Variants in LARP1B observed in about 807,000 individuals in gnomAD.
The protein encoded by LARP1B is La ribonucleoprotein 1B.
A neutral mutation model predicts 114.2 loss-of-function variants in LARP1B; 76 were observed. That is an observed-to-expected ratio of 0.67 (90% confidence interval 0.55 to 0.81). The LOEUF (loss-of-function observed/expected upper bound fraction) is 0.81, where lower values mean the gene tolerates loss of function less well. Ranked by LOEUF, LARP1B falls within the 30% of genes least tolerant of loss-of-function variation. The pLI is 0.00. For missense variants in LARP1B, 1,014 were observed against 1,075.8 expected (o/e 0.94, Z 0.80); for synonymous variants, 345 against 348.0 (o/e 0.99, Z 0.10).
chr4:128,220,043 G>A (rs112221496), intron 6 of LARP1B, among the ~76,000 whole-genome samples: 1 of 151,836 alleles, frequency 6.6e-6, no homozygotes, highest in South Asian at 2.1e-4. Flanking sequence ...GTGCCACCAC[G>A]CCCGGCTAAT....
chr4:128,198,244 T>C (rs1754910253), intron 15 of LARP1B, among the ~76,000 whole-genome samples: 1 of 152,164 alleles, frequency 6.6e-6, no homozygotes, highest in South Asian at 2.1e-4. Context: ...TTTTAAAAAA[T>C]TGTAAAAAAA....
chr4:128,126,277 A>G (rs892884948), intron 11 of LARP1B, among the ~76,000 whole-genome samples: 4 of 151,976 alleles, frequency 2.6e-5, no homozygotes, highest in Admixed American at 1.3e-4. Context: ...GTGTGCCATC[A>G]CACCTGGCTA....
rs1306609674 is a variant in LARP1B, at chr4:128,083,623, T to G, written c.358+1318T>G. ...CGGGGCGGCTGGCCGGGCGGGGTGC[T>G]GACCCCCCCACCTCCCTCCCGGACG... On this transcript the variant is annotated intron_variant, in intron 5 of 19. Transcript: ENST00000326639. 5.4e-5 allele frequency among the ~76,000 whole-genome samples: 7 copies of G among 129,604 alleles called. No individual in the cohort carries two copies. The Admixed American group carries it at 5.4e-4, about 10-fold the overall frequency. The allele number at this position is 129,604 out of a possible 152,430, so 85.0% of individuals were successfully genotyped here.
intron 5 of LARP1B, 79 bp from the exon 6 acceptor site, chr4:128,090,922 C>T (rs1775686295): frequency 9.3e-7 from 1 of 1,074,668 alleles, no homozygotes; most frequent in East Asian, 2.6e-5. Context: ...AAGAAGGTGG[C>T]TATTATGTTT....
chr4:128,199,455 C>T lies in LARP1B; in HGVS notation c.2020C>T (p.Pro674Ser). 1 of 1,541,768 alleles carries T rather than the reference C, an allele frequency of 6.5e-7. No homozygotes were observed. The highest frequency in any genetic ancestry group is 8.8e-7 in the Non-Finnish European group (1 of 1,141,434). ...TSSVSTSNASPSEGAPLAGSY... is the reference protein window; with the variant it reads ...TSSVSTSNASSSEGAPLAGSY... ...CTCAAACAGCACTTCAAATGCTTCA[C>T]CTTCAGAAGGCGCACCACTAGCAGG... Residue 674 changes from proline to serine, a missense_variant, in exon 16 of 20, where the codon CCT (proline) becomes TCT (serine). Transcript: ENST00000326639.
rs1247250957 is a variant in LARP1B at position 128,211,246 on chromosome 4, A to G, written c.*1193A>G. On this transcript the variant is annotated 3_prime_UTR_variant, in exon 20 of 20. Transcript: ENST00000326639. The stretch of plus-strand genomic sequence containing the variant: ...TTGTGTGAATGAAGTTTCAATTATA[A>G]ACTTACATTCACTTTATTGAGCACT... 1 of 953,592 alleles carries G rather than the reference A, an allele frequency of 1.0e-6. No individual in the cohort carries two copies. Among genetic ancestry groups the G allele is most frequent in the African/African-American group, 1.8e-5 (1 of 56,648 alleles). 59.1% of individuals were successfully genotyped at this position (953,592 alleles called of 1,614,324 possible).
At position 128,210,213 on chromosome 4, in the gene LARP1B, A is replaced by T; in HGVS notation, c.*160A>T. 1 of 1,431,140 alleles carries T rather than the reference A, an allele frequency of 7.0e-7. No homozygotes were observed. The highest frequency in any genetic ancestry group is 9.1e-7 in the Non-Finnish European group (1 of 1,096,502). 88.7% of individuals were successfully genotyped at this position (1,431,140 alleles called of 1,614,324 possible). The stretch of plus-strand genomic sequence containing the variant: ...GTGATAATAAGAAAGAAGAAAAAGA[A>T]AGAAAAGTGGTAGCATTTTTTCTAA... On this transcript the variant is annotated 3_prime_UTR_variant, in exon 20 of 20. Coordinates refer to ENST00000326639, the MANE Select transcript of LARP1B (RefSeq NM_018078.4).
chr4:128,128,055 C>T (rs1167958679), intron 11 of LARP1B, among the ~76,000 whole-genome samples: 1 of 152,126 alleles, frequency 6.6e-6, no homozygotes, highest in African/African-American at 2.4e-5. Flanking sequence ...ACAACTGGGA[C>T]TCTGTCAACT....
chr4:128,069,591 G>A (rs1764399400), intron 1 of LARP1B: 1 of 707,070 alleles, frequency 1.4e-6, no homozygotes, highest in African/African-American at 1.7e-5. Context: ...CATAGCTCCT[G>A]GATTTACTTG....
At chr4:128,188,064 C>G (rs967198790) in intron 15 of LARP1B, among the ~76,000 whole-genome samples, 4 of 151,668 alleles carry the variant, frequency 2.6e-5, no homozygotes, top group African/African-American at 7.3e-5. Context: ...TATAATTTAC[C>G]CAGTCTCGGG....
At chr4:128,076,280 C>G (rs1048088583) in intron 3 of LARP1B, among the ~76,000 whole-genome samples, 1 of 152,210 alleles carries the variant, frequency 6.6e-6, no homozygotes, top group Non-Finnish European at 1.5e-5. Flanking sequence ...GCTGGGATTA[C>G]AGGCGTGAGC....
At chr4:128,083,556 G>T (rs1289953417) in intron 5 of LARP1B, among the ~76,000 whole-genome samples, 1 of 149,264 alleles carries the variant, frequency 6.7e-6, no homozygotes, top group Non-Finnish European at 1.5e-5. Context: ...CGGACGGGGC[G>T]GCTGGCGGGC....
At chr4:128,209,731 A>G in intron 19 of LARP1B, 125 bp from the exon 20 acceptor site, 4 of 751,108 alleles carry the variant, frequency 5.3e-6, no homozygotes, top group African/African-American at 1.8e-5. Flanking sequence ...AAAAAAAAAA[A>G]AAAAAAAAAA....
rs1399644353 is a variant in LARP1B at position 128,179,390 on chromosome 4, A to T, written c.1897-16A>T. On this transcript the variant is annotated splice_polypyrimidine_tract_variant and intron_variant, in intron 14 of 19. Coordinates refer to ENST00000326639, the MANE Select transcript of LARP1B (RefSeq NM_018078.4). Reference sequence around the variant, plus strand: ...CTATTGAAACTAATTGCAATGCTTGACTTTATTTTCTTTAGAGTCCAAGAA... The same window carrying T: ...CTATTGAAACTAATTGCAATGCTTGTCTTTATTTTCTTTAGAGTCCAAGAA... 6.5e-7 allele frequency: 1 copy of T among 1,535,260 alleles called. No individual in the cohort carries two copies. Among genetic ancestry groups the T allele is most frequent in the Non-Finnish European group, 8.9e-7 (1 of 1,123,136 alleles).
intron 15 of LARP1B, among the ~76,000 whole-genome samples, chr4:128,186,030 G>C (rs1164280926): frequency 6.6e-6 from 1 of 152,004 alleles, no homozygotes; most frequent in Non-Finnish European, 1.5e-5. Context: ...TGTTCCATTG[G>C]TCTATGTGTC....
Position 128,210,360 on chromosome 4 carries a change from T to C in LARP1B, c.*307T>C, listed in dbSNP as rs1758755955. On this transcript the variant is annotated 3_prime_UTR_variant, in exon 20 of 20. Transcript: ENST00000326639. ...GATTTCTTTTTCAAAGCCATGGTTT[T>C]ACAAAAACAGCATTCCTTAAATATA... 2 of 1,115,300 alleles carry C rather than the reference T, an allele frequency of 1.8e-6. No individual in the cohort carries two copies. Among genetic ancestry groups the C allele is most frequent in the Non-Finnish European group, 2.2e-6 (2 of 910,874 alleles). The allele number at this position is 1,115,300 out of a possible 1,614,324, so 69.1% of individuals were successfully genotyped here.
At chr4:128,065,253 A>ATCTTTCTTTCTTTCTTTC (rs1761982967) in intron 1 of LARP1B, among the ~76,000 whole-genome samples, 6 of 89,614 alleles carry the variant, frequency 6.7e-5, no homozygotes, top group African/African-American at 2.1e-4. Flanking sequence ...CCCACAATTA[A>ATCTTTCTTTCTTTCTTTC]TTTCTTTCTT....
rs535394494 is a variant in LARP1B, at chr4:128,217,830, A to G, written n.849-2525A>G. On this transcript the variant is annotated intron_variant and non_coding_transcript_variant, in intron 6 of 7. Coordinates refer to the LARP1B transcript ENST00000503725. ...AGGAGAAGGAAATAAAGGGTATTCA[A>G]TTAGGAAAAGAGGAAGTCAAATTAC... is the stretch of plus-strand genomic sequence containing the variant. 6.0e-4 allele frequency among the ~76,000 whole-genome samples: 90 copies of G among 148,930 alleles called. 1 individual carries two copies. The highest frequency in any genetic ancestry group is 2.0e-3 in the African/African-American group (81 of 40,202).
chr4:128,203,850 C>G (rs2150921308), intron 17 of LARP1B, among the ~76,000 whole-genome samples: 1 of 152,290 alleles, frequency 6.6e-6, no homozygotes, highest in East Asian at 1.9e-4. Context: ...CTAATTGACT[C>G]AATTTTCAGT....
Sources: gnomAD v4.1 joint callset for allele counts (sites outside exome capture counted in the v4.1 genomes callset) on GRCh38, gnomAD v4.1.1 for gene constraint, MANE v1.5 for transcripts, NCBI Gene and HGNC (gene_info 2026-07-23, HGNC 2026-07-21) for gene names.